The following RIC8B variants were observed in gnomAD, a reference collection of about 807,000 sequenced individuals.
The protein encoded by RIC8B is RIC8 guanine nucleotide exchange factor B.
Under a neutral mutation model 57.5 loss-of-function variants are expected in RIC8B, and 16 were observed. The observed-to-expected ratio is 0.28, with a 90% CI of 0.19 to 0.42. The LOEUF is 0.42. Ranked by LOEUF, RIC8B falls within the 10% of genes least tolerant of loss-of-function variation. RIC8B has a pLI of 1.00. For missense variants in RIC8B, 481 were observed against 677.0 expected (o/e 0.71, Z 3.21); for synonymous variants, 216 against 250.8 (o/e 0.86, Z 1.31).
intron 9 of RIC8B, among the ~76,000 whole-genome samples, chr12:106,880,488 C>T (rs1180357973): frequency 6.6e-6 from 1 of 152,058 alleles, no homozygotes. Context: ...GTGACCTGCC[C>T]AAGGACACCT....
In RIC8B at chr12:106,799,532, A is replaced by G. The variant is rs549225940; in HGVS notation, c.133-15164A>G. 2.4e-4 allele frequency among the ~76,000 whole-genome samples: 36 copies of G among 152,328 alleles called. 1 individual carries two copies. The East Asian group carries it at 6.0e-3, about 25-fold the overall frequency. ...TCCAGGTGCTTTTTTTACTTCAACT[A>G]TACTGTTTCAATTAAGTCACGTAAA... On this transcript the variant is annotated intron_variant, in intron 2 of 9. Coordinates refer to ENST00000392837, the MANE Select transcript of RIC8B (RefSeq NM_001330145.2).
chr12:106,792,848 C>T (rs1010071384), intron 2 of RIC8B, among the ~76,000 whole-genome samples: 1 of 152,124 alleles, frequency 6.6e-6, no homozygotes, highest in African/African-American at 2.4e-5. Flanking sequence ...TTATTTGAAC[C>T]AAGACCTGTT....
At chr12:106,832,500 G>A (rs2046396809) in intron 4 of RIC8B, among the ~76,000 whole-genome samples, 1 of 151,448 alleles carries the variant, frequency 6.6e-6, no homozygotes, top group Non-Finnish European at 1.5e-5. Context: ...CTGGGGGGCT[G>A]AGATTGCAGT....
At chr12:106,875,016 A>C (rs1223896778) in intron 9 of RIC8B, among the ~76,000 whole-genome samples, 1 of 152,142 alleles carries the variant, frequency 6.6e-6, no homozygotes, top group East Asian at 1.9e-4. Flanking sequence ...GCTGATCCCC[A>C]AATTTGAAGG....
chr12:106,783,625 A>G (rs2043865441), intron 1 of RIC8B, among the ~76,000 whole-genome samples: 1 of 152,212 alleles, frequency 6.6e-6, no homozygotes, highest in African/African-American at 2.4e-5. Flanking sequence ...TCACAAATAT[A>G]TCATATAGTT....
intron 2 of RIC8B, among the ~76,000 whole-genome samples, chr12:106,806,920 G>T (rs1039303059): frequency 6.6e-6 from 1 of 152,156 alleles, no homozygotes; most frequent in South Asian, 2.1e-4. Flanking sequence ...CATACATTCA[G>T]CTTCCTATTT....
At chr12:106,868,780 C>G (rs1362572659) in intron 8 of RIC8B, among the ~76,000 whole-genome samples, 1 of 134,476 alleles carries the variant, frequency 7.4e-6, no homozygotes, top group South Asian at 2.3e-4. Flanking sequence ...CACACACACA[C>G]ACACACACAC....
chr12:106,863,264 A>AC (rs1307855482), intron 8 of RIC8B, among the ~76,000 whole-genome samples: 8 of 152,092 alleles, frequency 5.3e-5, no homozygotes, highest in Non-Finnish European at 1.2e-4. Context: ...GATAGGAGGA[A>AC]CAGATGGTCA....
chr12:106,860,243 C>A, intron 7 of RIC8B, 25 bp from the exon 8 acceptor site: 3 of 1,538,872 alleles, frequency 1.9e-6, no homozygotes, highest in Non-Finnish European at 1.7e-6. Flanking sequence ...GGATTCCTAT[C>A]TAAAACCCTA....
At chr12:106,851,315 CTT>C (rs34606963) in intron 6 of RIC8B, 133 bp from the exon 7 acceptor site, 3,177 of 211,294 alleles carry the variant, frequency 0.015, no homozygotes, top group Middle Eastern at 0.031. Flanking sequence ...GGAAGCTAAC[CTT>C]TTTTTTTTTT....
In RIC8B at chr12:106,787,594, C is replaced by G. The variant is rs184574755; in HGVS notation, c.132+3550C>G. On this transcript the variant is annotated intron_variant, in intron 2 of 9. Coordinates refer to ENST00000392837, the MANE Select transcript of RIC8B (RefSeq NM_001330145.2). ...TTAGAATTGCACGTGGCTGGGGAGG[C>G]CTCAGAATCATGGTGGGAGGTGAAA... is the stretch of plus-strand genomic sequence containing the variant. 9.2e-5 allele frequency among the ~76,000 whole-genome samples: 14 copies of G among 152,136 alleles called. 1 individual carries two copies. The highest frequency in any genetic ancestry group is 3.4e-4 in the African/African-American group (14 of 41,502).
At chr12:106,824,918 A>T (rs1566092053) in intron 3 of RIC8B, among the ~76,000 whole-genome samples, 1 of 152,082 alleles carries the variant, frequency 6.6e-6, no homozygotes, top group Admixed American at 6.5e-5. Context: ...AAAAAAAAAA[A>T]GAAAAAAGTT....
chr12:106,871,565 T>A (rs1950432791), intron 9 of RIC8B: 1 of 140,550 alleles, frequency 7.1e-6, no homozygotes, highest in Admixed American at 7.6e-5. Flanking sequence ...AGTTTTGAAA[T>A]AATTAAATCA....
chr12:106,887,158 G>A lies in RIC8B; in HGVS notation c.*1143G>A, dbSNP rs1951216241. ...CAGTGGCTAAAGTTGAAAAGGGGTT[G>A]GTTTCCTGTATATATATGTATGTAT... On this transcript the variant is annotated 3_prime_UTR_variant, in exon 10 of 10. Coordinates refer to ENST00000392837, the MANE Select transcript of RIC8B (RefSeq NM_001330145.2). 1 of 152,296 alleles carries A rather than the reference G, an allele frequency of 6.6e-6. No individual in the cohort carries two copies. The highest frequency in any genetic ancestry group is 2.4e-5 in the African/African-American group (1 of 41,326). 9.4% of individuals were successfully genotyped at this position (152,296 alleles called of 1,614,324 possible). A position where few individuals can be genotyped will look rare whatever the true frequency, so the allele number is the denominator to read the frequency against.
At chr12:106,863,170 C>T (rs1334717488) in intron 8 of RIC8B, among the ~76,000 whole-genome samples, 1 of 152,050 alleles carries the variant, frequency 6.6e-6, no homozygotes, top group African/African-American at 2.4e-5. Context: ...TGACATTTGG[C>T]TCCTTTTAGA....
At chr12:106,855,143 G>A (rs1332501913) in intron 7 of RIC8B, among the ~76,000 whole-genome samples, 1 of 152,186 alleles carries the variant, frequency 6.6e-6, no homozygotes, top group East Asian at 1.9e-4. Flanking sequence ...GCATTATGAT[G>A]TAGGGGCTGA....
At chr12:106,788,792 C>T (rs752299883) in intron 2 of RIC8B, among the ~76,000 whole-genome samples, 2 of 152,160 alleles carry the variant, frequency 1.3e-5, no homozygotes, top group African/African-American at 2.4e-5. Context: ...TCCTAGGCTT[C>T]CGGGTCTGTA....
chr12:106,870,527 C>A (rs530585978), intron 8 of RIC8B, among the ~76,000 whole-genome samples: 1 of 151,812 alleles, frequency 6.6e-6, no homozygotes, highest in South Asian at 2.1e-4. Context: ...CACGGATATC[C>A]TAACGGCACT....
chr12:106,850,050 G>A (rs1415107443), intron 6 of RIC8B, among the ~76,000 whole-genome samples: 3 of 152,244 alleles, frequency 2.0e-5, no homozygotes, highest in Admixed American at 6.5e-5. Flanking sequence ...GCCGCCTACT[G>A]TCGTATCAGC....
Sources: allele counts gnomAD v4.1 joint callset (sites outside exome capture counted in the v4.1 genomes callset), GRCh38; gene constraint gnomAD v4.1.1; transcripts MANE v1.5; gene names NCBI Gene and HGNC (gene_info 2026-07-23, HGNC 2026-07-21).